MIA2: variants seen among roughly 807,000 people sequenced by gnomAD.
The protein encoded by MIA2 is MIA SH3 domain ER export factor 2.
In MIA2, 127 loss-of-function variants were observed where a neutral mutation model predicts 167.8. That is an observed-to-expected ratio of 0.76 (90% CI 0.66 to 0.88). MIA2 has a LOEUF of 0.88. MIA2 is among the 40% of genes least tolerant of loss of function. The pLI is 0.00. For missense variants in MIA2, 1,690 were observed against 1,624.7 expected (o/e 1.04, Z -0.69); for synonymous variants, 552 against 541.9 (o/e 1.02, Z -0.26).
chr14:39,236,208 A>ATTTAAT (rs1203088828), intron 1 of MIA2, among the ~76,000 whole-genome samples: 1 of 152,196 alleles, frequency 6.6e-6, no homozygotes, highest in Non-Finnish European at 1.5e-5. Context: ...GCAGCCTAGT[A>ATTTAAT]AGGATAATAG....
exon 24 of MIA2, chr14:39,387,192 C>T (rs2075285508): frequency 2.3e-6 from 1 of 431,994 alleles, no homozygotes; most frequent in Non-Finnish European, 4.0e-6. Flanking sequence ...GATAGTATTT[C>T]ATCTGATGGA....
At chr14:39,331,948 A>G (rs1182665414) in intron 25 of MIA2, among the ~76,000 whole-genome samples, 1 of 151,696 alleles carries the variant, frequency 6.6e-6, no homozygotes, top group African/African-American at 2.4e-5. Flanking sequence ...GTTCTTCTAG[A>G]AGAGTGTCTT....
intron 6 of MIA2, chr14:39,265,153 G>C (rs1180451044): frequency 2.6e-6 from 1 of 385,996 alleles, no homozygotes; most frequent in Non-Finnish European, 4.4e-6. Flanking sequence ...ATATGTATGT[G>C]TGTGAGTATA....
chr14:39,275,920 A>G (rs1012233329), intron 6 of MIA2, among the ~76,000 whole-genome samples: 3 of 152,148 alleles, frequency 2.0e-5, no homozygotes, highest in Middle Eastern at 3.2e-3. Context: ...GAAGGAGTAC[A>G]TATTTGGATT....
chr14:39,263,630 TC>T (rs1356326159), intron 6 of MIA2, among the ~76,000 whole-genome samples: 32 of 121,714 alleles, frequency 2.6e-4, no homozygotes, highest in East Asian at 6.7e-4. Context: ...TCTCTCTCTC[TC>T]TCTTTTTTTT....
chr14:39,366,145 G>T (rs2074817807), intron 23 of MIA2, among the ~76,000 whole-genome samples: 1 of 152,206 alleles, frequency 6.6e-6, no homozygotes, highest in Admixed American at 6.5e-5. Context: ...GTTGTTAGTG[G>T]AGACTGTGGT....
chr14:39,338,488 T>C (rs2070997881), intron 25 of MIA2, among the ~76,000 whole-genome samples: 1 of 152,200 alleles, frequency 6.6e-6, no homozygotes, highest in African/African-American at 2.4e-5. Context: ...AGGGATAGTT[T>C]TCAGTTTGGT....
At chr14:39,363,575 A>T (rs1008289239) in intron 23 of MIA2, among the ~76,000 whole-genome samples, 1 of 152,190 alleles carries the variant, frequency 6.6e-6, no homozygotes, top group Admixed American at 6.6e-5. Flanking sequence ...TGTCTGGATG[A>T]TCTGTCTGAT....
intron 24 of MIA2, among the ~76,000 whole-genome samples, chr14:39,325,003 G>C (rs763778159): frequency 6.0e-4 from 91 of 152,264 alleles, no homozygotes; most frequent in Non-Finnish European, 1.2e-3. Flanking sequence ...TGGTGGGATT[G>C]TTTGAGCCCA....
chr14:39,305,034 A>G (rs761038944), intron 17 of MIA2, among the ~76,000 whole-genome samples: 84 of 152,198 alleles, frequency 5.5e-4, no homozygotes, highest in Non-Finnish European at 9.7e-4. Flanking sequence ...CTCAAATGTC[A>G]ACAATGATTA....
chr14:39,361,289 C>A (rs2074676676), intron 23 of MIA2, among the ~76,000 whole-genome samples: 1 of 152,078 alleles, frequency 6.6e-6, no homozygotes, highest in Non-Finnish European at 1.5e-5. Flanking sequence ...GGGATGGGAT[C>A]TTTCTGTTTA....
chr14:39,338,764 C>T (rs141426094), intron 25 of MIA2, among the ~76,000 whole-genome samples: 166 of 152,252 alleles, frequency 1.1e-3, no homozygotes, highest in African/African-American at 3.6e-3. Context: ...AGAATGAGAA[C>T]ATTACAGATC....
chr14:39,266,548 G>A, intron 6 of MIA2: 1 of 985,518 alleles, frequency 1.0e-6, no homozygotes, highest in Non-Finnish European at 1.2e-6. Context: ...AAACCAGATC[G>A]AGGTTCTCTT....
intron 13 of MIA2, among the ~76,000 whole-genome samples, chr14:39,296,338 A>C (rs1052400803): frequency 9.2e-5 from 14 of 151,870 alleles, no homozygotes; most frequent in African/African-American, 2.2e-4. Flanking sequence ...TTTTTCCTCA[A>C]AATTTTGACA....
intron 9 of MIA2, among the ~76,000 whole-genome samples, chr14:39,287,496 A>G (rs1053420510): frequency 3.9e-5 from 6 of 151,988 alleles, no homozygotes; most frequent in African/African-American, 1.4e-4. Flanking sequence ...GTTTTTCATA[A>G]ATGGCTTTTG....
chr14:39,350,476 T>A lies in MIA2; in HGVS notation c.*212T>A, dbSNP rs2074268384. 2.4e-6 allele frequency: 1 copy of A among 410,620 alleles called. No homozygotes were observed. The allele number at this position is 410,620 out of a possible 1,614,324, so 25.4% of individuals were successfully genotyped here. On this transcript the variant is annotated 3_prime_UTR_variant, in exon 29 of 29. Coordinates refer to ENST00000640607, the MANE Select transcript of MIA2 (RefSeq NM_001329214.4). ...TTTTAGACGGTATAACTATTTCAATTTGATTAATCCACTATTATATAAACA... is the reference window on the plus strand; with the variant it reads ...TTTTAGACGGTATAACTATTTCAATATGATTAATCCACTATTATATAAACA...
intron 6 of MIA2, chr14:39,267,389 G>A: frequency 6.2e-7 from 1 of 1,606,122 alleles, no homozygotes; most frequent in Non-Finnish European, 8.5e-7. Flanking sequence ...AAGGCTGTGT[G>A]TTCTCCGCCG....
chr14:39,380,154 A>T (rs947320348), intron 23 of MIA2, among the ~76,000 whole-genome samples: 1 of 152,262 alleles, frequency 6.6e-6, no homozygotes, highest in Admixed American at 6.5e-5. Context: ...GACCTTTAAG[A>T]TAAAACATTT....
At chr14:39,277,986 T>C (rs1027070225) in intron 7 of MIA2, among the ~76,000 whole-genome samples, 2 of 151,256 alleles carry the variant, frequency 1.3e-5, no homozygotes, top group African/African-American at 2.4e-5. Context: ...TGGGAAATTT[T>C]ATTTGAGACA....
Sources: gnomAD v4.1 joint callset for allele counts (sites outside exome capture counted in the v4.1 genomes callset) on GRCh38, gnomAD v4.1.1 for gene constraint, MANE v1.5 for transcripts, NCBI Gene and HGNC (gene_info 2026-07-23, HGNC 2026-07-21) for gene names.